Variants in TMTC3 observed in about 807,000 individuals in gnomAD.
TMTC3 encodes the protein protein O-mannosyl-transferase TMTC3.
A neutral mutation model predicts 92.2 loss-of-function variants in TMTC3; 52 were observed. The observed-to-expected ratio is 0.56, with a 90% CI of 0.45 to 0.71. The LOEUF is 0.71. Among genes scored for constraint, TMTC3 ranks in the 30% least tolerant of loss-of-function variants. The pLI is 0.00. For synonymous variants in TMTC3, 339 were observed against 363.3 expected (o/e 0.93, Z 0.76); for missense variants, 896 against 1,057.1 (o/e 0.85, Z 2.11).
chr12:88,179,911 G>T (rs1341638866), intron 10 of TMTC3, among the ~76,000 whole-genome samples: 1 of 152,188 alleles, frequency 6.6e-6, no homozygotes, highest in East Asian at 1.9e-4. Flanking sequence ...ACATTCCCTT[G>T]TTATCTACCC....
rs1592758898 is a variant in TMTC3, at chr12:88,199,870, A to G, written c.*4221A>G. The G allele has an allele frequency of 6.6e-6, 1 of 152,204 alleles. No individual in the cohort carries two copies. The highest frequency in any genetic ancestry group is 2.4e-5 in the African/African-American group (1 of 41,472). 9.4% of individuals were successfully genotyped at this position (152,204 alleles called of 1,614,324 possible). On this transcript the variant is annotated 3_prime_UTR_variant, in exon 14 of 14. Coordinates refer to ENST00000266712, the MANE Select transcript of TMTC3 (RefSeq NM_181783.4). ...CTTTCATGTTTCTGCCTTAAATAAA[A>G]TAACCCTCAAAAAACCATTCTAGTT...
intron 2 of TMTC3, among the ~76,000 whole-genome samples, chr12:88,149,654 A>G (rs2040917455): frequency 6.6e-6 from 1 of 152,204 alleles, no homozygotes; most frequent in Non-Finnish European, 1.5e-5. Context: ...TGTTAACAGT[A>G]TGTTTCTCGG....
chr12:88,197,670 T>A lies in TMTC3; in HGVS notation c.*2021T>A, dbSNP rs907088051. On this transcript the variant is annotated 3_prime_UTR_variant, in exon 14 of 14. Coordinates refer to ENST00000266712, the MANE Select transcript of TMTC3 (RefSeq NM_181783.4). Reference sequence around the variant, plus strand: ...TTATCCAATGATTTTTATTAAAAAATTACCTTATTATTAGAACTGTGCCTA... The same window carrying A: ...TTATCCAATGATTTTTATTAAAAAAATACCTTATTATTAGAACTGTGCCTA... 5.3e-5 allele frequency: 8 copies of A among 152,080 alleles called. No individual in the cohort carries two copies. The highest frequency in any genetic ancestry group is 3.9e-4 in the East Asian group (2 of 5,190). 9.4% of individuals were successfully genotyped at this position (152,080 alleles called of 1,614,324 possible).
intron 6 of TMTC3, among the ~76,000 whole-genome samples, chr12:88,161,074 C>A (rs1478648233): frequency 1.3e-5 from 2 of 151,956 alleles, no homozygotes; most frequent in Admixed American, 6.5e-5. Context: ...ATGACCCATC[C>A]CAAACTGGTT....
intron 2 of TMTC3, among the ~76,000 whole-genome samples, chr12:88,149,226 A>T (rs928304065): frequency 3.3e-5 from 5 of 152,122 alleles, no homozygotes; most frequent in African/African-American, 1.2e-4. Context: ...TTATTCATCC[A>T]TATGGTTCAT....
intron 8 of TMTC3, 140 bp downstream of exon 8, chr12:88,172,885 C>T: frequency 6.7e-7 from 1 of 1,502,970 alleles, no homozygotes; most frequent in South Asian, 1.2e-5. Context: ...CCTCATTTGT[C>T]TTGTAAGTCA....
At chr12:88,153,737 T>C (rs1217050342) in intron 3 of TMTC3, among the ~76,000 whole-genome samples, 1 of 152,058 alleles carries the variant, frequency 6.6e-6, no homozygotes, top group East Asian at 1.9e-4. Flanking sequence ...ACATAAACAT[T>C]TTTCATTCAA....
At chr12:88,151,504 A>C (rs143157962) in intron 2 of TMTC3, among the ~76,000 whole-genome samples, 3 of 152,294 alleles carry the variant, frequency 2.0e-5, no homozygotes, top group African/African-American at 7.2e-5. Context: ...CACAAAGTAA[A>C]CTTAGTATCT....
rs747531268 is a variant in TMTC3, at chr12:88,160,775, G to T, written c.721G>T (p.Val241Phe). 1.9e-6 allele frequency: 3 copies of T among 1,613,562 alleles called. No homozygotes were observed. The highest frequency in any genetic ancestry group is 1.7e-6 in the Non-Finnish European group (2 of 1,179,720). ...SMLQTLVKLIVLMFSTLLLVV... is the reference protein window; with the variant it reads ...SMLQTLVKLIFLMFSTLLLVV... ...GCTGCAGACACTAGTAAAACTCATT[G>T]TCTTGATGTTCAGTACATTATTACT... is the stretch of plus-strand genomic sequence containing the variant. The change falls in exon 6 of 14, where the codon GTC becomes TTC. Residue 241 changes from valine to phenylalanine, a missense_variant. Transcript: ENST00000266712.
chr12:88,179,720 C>T (rs563899826), intron 10 of TMTC3, among the ~76,000 whole-genome samples: 84 of 152,028 alleles, frequency 5.5e-4, no homozygotes, highest in Non-Finnish European at 5.9e-5. Flanking sequence ...GTGCAGCCCC[C>T]GTAAGCAGGC....
At chr12:88,146,855 A>G (rs1443361537) in intron 1 of TMTC3, among the ~76,000 whole-genome samples, 1 of 150,258 alleles carries the variant, frequency 6.7e-6, no homozygotes, top group Non-Finnish European at 1.5e-5. Flanking sequence ...CTTTTCAACT[A>G]TAGTTGTGAA....
chr12:88,153,671 A>G (rs994673397), intron 3 of TMTC3, among the ~76,000 whole-genome samples, 162 bp downstream of exon 3: 2 of 152,064 alleles, frequency 1.3e-5, no homozygotes, highest in African/African-American at 4.8e-5. Flanking sequence ...TTAACTTCCT[A>G]GTATGCAAAG....
At chr12:88,176,803 A>G (rs1157476812) in intron 10 of TMTC3, among the ~76,000 whole-genome samples, 1 of 151,810 alleles carries the variant, frequency 6.6e-6, no homozygotes, top group Non-Finnish European at 1.5e-5. Flanking sequence ...AAAAACATTT[A>G]TGGATTTTTT....
chr12:88,165,442 C>T (rs980048755), intron 6 of TMTC3, among the ~76,000 whole-genome samples: 6 of 151,626 alleles, frequency 4.0e-5, no homozygotes, highest in Non-Finnish European at 5.9e-5. Flanking sequence ...TGTGAGATTC[C>T]GTATGAAAAT....
rs553284829 is a variant in TMTC3 at position 88,194,288 on chromosome 12, G to A, written c.1934-550G>A. 3.3e-5 allele frequency among the ~76,000 whole-genome samples: 5 copies of A among 152,168 alleles called. No homozygotes were observed. In the South Asian group the frequency reaches 1.0e-3, roughly 32 times the overall value. On this transcript the variant is annotated intron_variant, in intron 13 of 13. Transcript: ENST00000266712. ...GCCCTATATTTAATGGTATGTTTTT[G>A]TCCTCGAAACATTCCTAAAACTTTG...
intron 10 of TMTC3, among the ~76,000 whole-genome samples, chr12:88,180,727 T>G (rs942934641): frequency 2.0e-5 from 3 of 152,152 alleles, no homozygotes; most frequent in African/African-American, 7.2e-5. Flanking sequence ...TAGTATGGTT[T>G]GATGCATCAT....
Position 88,197,522 on chromosome 12 carries a change from GTA to G in TMTC3, c.*1875_*1876del, listed in dbSNP as rs2041528849. ...TGAGTGTGATCTCTCTTTTGCCATA[GTA>G]TCAAGTGGAGGGTAGTTCAGAAAAG... is the stretch of plus-strand genomic sequence containing the variant. On this transcript the variant is annotated 3_prime_UTR_variant, in exon 14 of 14. Coordinates refer to ENST00000266712, the MANE Select transcript of TMTC3 (RefSeq NM_181783.4). 6.6e-6 allele frequency: 1 copy of G among 152,124 alleles called. No homozygotes were observed. Among genetic ancestry groups the G allele is most frequent in the Non-Finnish European group, 1.5e-5 (1 of 67,838 alleles). The allele number at this position is 152,124 out of a possible 1,614,324, so 9.4% of individuals were successfully genotyped here.
At chr12:88,184,941 A>G (rs1443848591) in intron 10 of TMTC3, among the ~76,000 whole-genome samples, 3 of 152,204 alleles carry the variant, frequency 2.0e-5, no homozygotes, top group Non-Finnish European at 2.9e-5. Flanking sequence ...ACCTTCGCAC[A>G]TATACTCTGG....
intron 6 of TMTC3, among the ~76,000 whole-genome samples, chr12:88,161,522 A>G (rs1301522031): frequency 6.6e-6 from 1 of 152,042 alleles, no homozygotes; most frequent in African/African-American, 2.4e-5. Context: ...TGACTTTTAG[A>G]TGGGATATAT....
Sources: gnomAD v4.1 joint callset for allele counts (sites outside exome capture counted in the v4.1 genomes callset) on GRCh38, gnomAD v4.1.1 for gene constraint, MANE v1.5 for transcripts, NCBI Gene and HGNC (gene_info 2026-07-23, HGNC 2026-07-21) for gene names.